Variants in RBCK1 observed in about 807,000 individuals in gnomAD.
RBCK1 encodes the protein ranBP-type and C3HC4-type zinc finger-containing protein 1.
In RBCK1, 44 loss-of-function variants were observed where a neutral mutation model predicts 71.1. The ratio of observed to expected loss-of-function variants is 0.62; its 90% CI spans 0.49 to 0.80. The LOEUF is 0.80. Ranked by LOEUF, RBCK1 falls within the 30% of genes least tolerant of loss-of-function variation. RBCK1 has a pLI of 0.00. For missense variants in RBCK1, 569 were observed against 685.0 expected (o/e 0.83, Z 1.89); for synonymous variants, 306 against 279.7 (o/e 1.09, Z -0.94).
chr20:414,063 T>C (rs1390103359), intron 2 of RBCK1, among the ~76,000 whole-genome samples: 1 of 150,440 alleles, frequency 6.6e-6, no homozygotes, highest in Non-Finnish European at 1.5e-5. Context: ...CTAGAAATTA[T>C]AGATCATGAT....
At chr20:409,346 G>C (rs1239728920) in intron 1 of RBCK1, among the ~76,000 whole-genome samples, 1 of 152,148 alleles carries the variant, frequency 6.6e-6, no homozygotes, top group Admixed American at 6.5e-5. Flanking sequence ...TTCCCCACTG[G>C]AGCTTGACAC....
At position 419,599 on chromosome 20, in the gene RBCK1, C is replaced by T. The variant is rs1238809542; in HGVS notation, c.624C>T (p.Pro208=). Reference sequence around the variant, plus strand: ...CCGGGTGCACCTTCATCAACAAGCCCACGCGGCCTGGCTGTGAGATGTGCT... The same window carrying T: ...CCGGGTGCACCTTCATCAACAAGCCTACGCGGCCTGGCTGTGAGATGTGCT... ...QCPGCTFINK[P]TRPGCEMCCR... is the part of the protein sequence containing the mutation. Residue 208 remains proline, a synonymous_variant, in exon 6 of 12, where the codon CCC becomes CCT. Transcript: ENST00000356286. 1.2e-6 allele frequency: 2 copies of T among 1,601,094 alleles called. No individual in the cohort carries two copies. The highest frequency in any genetic ancestry group is 1.7e-6 in the Non-Finnish European group (2 of 1,174,670).
At position 428,881 on chromosome 20, in the gene RBCK1, GC is replaced by G; in HGVS notation, c.1309-68del. On this transcript the variant is annotated intron_variant, in intron 10 of 11. Transcript: ENST00000356286. The surrounding 1 kb of genome is among the most constrained non-coding windows in gnomAD (Gnocchi z 5.7). ...TCTAGAGGGTCACCACCTTCTCCCT[GC>G]CATGGGGAGGGGCCAGGCTGGGTGA... The G allele has an allele frequency of 6.6e-7, 1 of 1,517,758 alleles. No homozygotes were observed. The highest frequency in any genetic ancestry group is 1.3e-5 in the South Asian group (1 of 78,064). 94.0% of individuals were successfully genotyped at this position (1,517,758 alleles called of 1,614,324 possible).
chr20:427,483 G>A lies in RBCK1; in HGVS notation c.1200G>A (p.Leu400=). 1 of 1,613,256 alleles carries A rather than the reference G, an allele frequency of 6.2e-7. No individual in the cohort carries two copies. The change falls in exon 9 of 12, where the codon CTG becomes CTA. Residue 400 remains leucine, a synonymous_variant. Transcript: ENST00000356286. ...TCPVCFHVNC[L]LCKAIHEQMN... Reference sequence around the variant, plus strand: ...CTGTGTGTTTCCACGTCAACTGCCTGCTCTGCAAGGTGGGGCCTGCAGGGA... The same window carrying A: ...CTGTGTGTTTCCACGTCAACTGCCTACTCTGCAAGGTGGGGCCTGCAGGGA...
chr20:416,031 G>T (rs1030620962), intron 2 of RBCK1, among the ~76,000 whole-genome samples: 29 of 152,088 alleles, frequency 1.9e-4, no homozygotes, highest in Non-Finnish European at 3.5e-4. Context: ...CAACACTGAG[G>T]ATTACAGTTC....
chr20:425,199 C>T (rs994025388), intron 8 of RBCK1, among the ~76,000 whole-genome samples: 5 of 152,230 alleles, frequency 3.3e-5, no homozygotes, highest in South Asian at 2.1e-4. Flanking sequence ...TCAGTACAGA[C>T]GAGTTTTCAC....
rs1600271234 is a variant in RBCK1 at position 409,900 on chromosome 20, C to A, written c.42C>A (p.Ser14Arg). Residue 14 changes from serine (S) to arginine (R), a missense_variant, in exon 2 of 12, where the codon AGC becomes AGA. Physicochemically the swap from Ser to Arg is moderately radical, Grantham distance 110. Coordinates refer to ENST00000356286, the MANE Select transcript of RBCK1 (RefSeq NM_031229.4). ...TTTCAGCAGAGGAAATGGCCCTGAGCCTCACCCGAGCAGTGGCGGGCGGGG... is the reference window on the plus strand; with the variant it reads ...TTTCAGCAGAGGAAATGGCCCTGAGACTCACCCGAGCAGTGGCGGGCGGGG... ...KTKKAEEMAL[S>R]LTRAVAGGDE... 2.5e-6 allele frequency: 4 copies of A among 1,613,878 alleles called. No individual in the cohort carries two copies. In the East Asian group the frequency reaches 8.9e-5, roughly 36 times the overall value.
At position 420,851 on chromosome 20, in the gene RBCK1, G is replaced by A. The variant is rs1296428523; in HGVS notation, c.757-20G>A. On this transcript the variant is annotated intron_variant, in intron 6 of 11. Coordinates refer to ENST00000356286, the MANE Select transcript of RBCK1 (RefSeq NM_031229.4). ...CCCCGAGGCCCTGACCCGCCCCGTGGCCCCGCCCCGTGTGCCCAGCGGAAG... is the reference window on the plus strand; with the variant it reads ...CCCCGAGGCCCTGACCCGCCCCGTGACCCCGCCCCGTGTGCCCAGCGGAAG... 7.8e-6 allele frequency: 12 copies of A among 1,543,274 alleles called. No homozygotes were observed. The highest frequency in any genetic ancestry group is 1.0e-5 in the Non-Finnish European group (12 of 1,146,618).
At position 428,752 on chromosome 20, in the gene RBCK1, T is replaced by C. The variant is rs889604768; in HGVS notation, c.1308+163T>C. The C allele has an allele frequency of 7.3e-5, 102 of 1,404,078 alleles. No homozygotes were observed. The highest frequency in any genetic ancestry group is 8.5e-5 in the Non-Finnish European group (90 of 1,062,782). 87.0% of individuals were successfully genotyped at this position (1,404,078 alleles called of 1,614,324 possible). On this transcript the variant is annotated intron_variant, in intron 10 of 11. Transcript: ENST00000356286. This position sits in a 1 kb window ranked among gnomAD's most constrained non-coding sequence, Gnocchi z 5.7. ...AGGTGGGACTTAGGCCGAATGGTCA[T>C]GTCAGGAAGAGCGTCTGGGTGGAGG...
chr20:419,489 G>A, intron 5 of RBCK1, 21 bp downstream of exon 5: 1 of 1,604,618 alleles, frequency 6.2e-7, no homozygotes, highest in South Asian at 1.1e-5. Flanking sequence ...CTTGGCCTCA[G>A]TATCCTCTTC....
Position 417,634 on chromosome 20 carries a change from G to T in RBCK1, c.261+15G>T, listed in dbSNP as rs11698154. 0.16 allele frequency: 257,322 copies of T among 1,611,074 alleles called. 22,139 individuals are homozygous for T. The highest frequency in any genetic ancestry group is 0.23 in the Middle Eastern group (1,411 of 6,054). On this transcript the variant is annotated intron_variant, in intron 3 of 11. Transcript: ENST00000356286. The surrounding 1 kb of genome is among the most constrained non-coding windows in gnomAD (Gnocchi z 4.7). ...TCAAGGACATGGTGAGTGAGGAGGC[G>T]GAGGGCGACACTGGGGTGAAGGCTC...
At chr20:415,626 C>G (rs1006397384) in intron 2 of RBCK1, among the ~76,000 whole-genome samples, 3 of 151,916 alleles carry the variant, frequency 2.0e-5, no homozygotes, top group African/African-American at 4.8e-5. Flanking sequence ...GTCTTTTGAC[C>G]TCTAGAATTT....
chr20:415,556 C>T (rs1038411278), intron 2 of RBCK1, among the ~76,000 whole-genome samples: 1 of 152,106 alleles, frequency 6.6e-6, no homozygotes, highest in East Asian at 1.9e-4. Context: ...CTTACTATGT[C>T]TTAAGTCCCT....
In RBCK1 at chr20:417,882, C is replaced by G. The variant is rs762636240; in HGVS notation, c.412C>G (p.Leu138Val). 2 of 1,612,816 alleles carry G rather than the reference C, an allele frequency of 1.2e-6. No individual in the cohort carries two copies. The highest frequency in any genetic ancestry group is 3.3e-5 in the Admixed American group (2 of 60,008). The stretch of plus-strand genomic sequence containing the variant: ...TCTGCTGTCAGCCCGCAACACCTCC[C>G]TCAACCCTCAGGAGCTGCAGCGGGA... ...LYLLSARNTSLNPQELQRERQ... is the reference protein window; with the variant it reads ...LYLLSARNTSVNPQELQRERQ... Residue 138 changes from leucine to valine, a missense_variant, in exon 4 of 12, where the codon CTC becomes GTC. Leu to Val is a conservative substitution (Grantham distance 32). Transcript: ENST00000356286. The surrounding 1 kb of genome is among the most constrained non-coding windows in gnomAD (Gnocchi z 4.7).
At chr20:420,528 C>T (rs1268359955) in intron 6 of RBCK1, 1 of 984,174 alleles carries the variant, frequency 1.0e-6, no homozygotes, top group Non-Finnish European at 1.2e-6. Flanking sequence ...CAGACCCCGG[C>T]CCCCTTCCTT....
At chr20:411,709 G>A (rs1042265903) in intron 2 of RBCK1, among the ~76,000 whole-genome samples, 2 of 152,164 alleles carry the variant, frequency 1.3e-5, no homozygotes, top group Admixed American at 1.3e-4. Context: ...ATAAGGTCTT[G>A]CTTTGTTGTC....
chr20:422,311 C>A lies in RBCK1; in HGVS notation c.1029+73C>A. 8 of 1,211,926 alleles carry A rather than the reference C, an allele frequency of 6.6e-6. No individual in the cohort carries two copies. Among genetic ancestry groups the A allele is most frequent in the Non-Finnish European group, 9.6e-6 (8 of 837,000 alleles). 75.1% of individuals were successfully genotyped at this position (1,211,926 alleles called of 1,614,324 possible). A position where few individuals can be genotyped will look rare whatever the true frequency, so the allele number is the denominator to read the frequency against. On this transcript the variant is annotated intron_variant, in intron 8 of 11. Transcript: ENST00000356286. The surrounding 1 kb of genome is among the most constrained non-coding windows in gnomAD (Gnocchi z 5.0). The stretch of plus-strand genomic sequence containing the variant: ...AACTGGGCCCTGAGCAGGCAGCAGA[C>A]ATCTTTCTTTTCTTTCTTTTTTTTT...
chr20:430,280 G>A lies in RBCK1; in HGVS notation c.1453-70G>A. The A allele has an allele frequency of 7.2e-7, 1 of 1,393,882 alleles. No homozygotes were observed. The allele number at this position is 1,393,882 out of a possible 1,614,324, so 86.3% of individuals were successfully genotyped here. On this transcript the variant is annotated intron_variant, in intron 11 of 11. Transcript: ENST00000356286. The surrounding 1 kb of genome is among the most constrained non-coding windows in gnomAD (Gnocchi z 5.6). ...CTGCAGAGGCAAAGGCCCGGGGTGGGAGAGCGCTCGGCTGTGGGGGCAGTC... is the reference window on the plus strand; with the variant it reads ...CTGCAGAGGCAAAGGCCCGGGGTGGAAGAGCGCTCGGCTGTGGGGGCAGTC...
intron 2 of RBCK1, among the ~76,000 whole-genome samples, chr20:416,733 C>G (rs917879850): frequency 6.6e-6 from 1 of 152,220 alleles, no homozygotes; most frequent in Non-Finnish European, 1.5e-5. Context: ...AACACAGTGG[C>G]TTACTCCTGT....
Sources: gnomAD v4.1 joint callset for allele counts (sites outside exome capture counted in the v4.1 genomes callset) on GRCh38, gnomAD v4.1.1 for gene constraint, Gnocchi (gnomAD v3.1) non-coding constraint, MANE v1.5 for transcripts, NCBI Gene and HGNC (gene_info 2026-07-23, HGNC 2026-07-21) for gene names.